RALYL: variants seen among roughly 807,000 people sequenced by gnomAD.
The protein encoded by RALYL is RALY RNA binding protein like, also known as RNA-binding Raly-like protein.
In RALYL, 29 loss-of-function variants were observed where a neutral mutation model predicts 35.1. The ratio of observed to expected loss-of-function variants is 0.83; its 90% confidence interval spans 0.61 to 1.13. The LOEUF is 1.13. Ranked by LOEUF, RALYL falls within the 50% of genes most tolerant of loss-of-function variation. The pLI, the probability that RALYL is intolerant of heterozygous loss-of-function variation, is 0.00. For synonymous variants in RALYL, 120 were observed against 127.6 expected, an observed-to-expected ratio of 0.94 and a Z score of 0.40; for missense variants, 359 against 360.4, an observed-to-expected ratio of 1.00 and a Z score of 0.03.
At chr8:84,654,270 C>CAAAT (rs1829460753) in intron 2 of RALYL, among the ~76,000 whole-genome samples, 1 of 44,478 alleles carries the variant, frequency 2.2e-5, no homozygotes, top group East Asian at 1.5e-3. Flanking sequence ...TCTCATGTTC[C>CAAAT]ATATATATAT....
intron 1 of RALYL, among the ~76,000 whole-genome samples, chr8:84,447,618 A>G (rs2048990699): frequency 6.6e-6 from 1 of 152,048 alleles, no homozygotes; most frequent in South Asian, 2.1e-4. Flanking sequence ...TCCTTCATTT[A>G]CATCAAAAAT....
chr8:84,185,691 A>G (rs896627763), intron 1 of RALYL, among the ~76,000 whole-genome samples: 1 of 152,198 alleles, frequency 6.6e-6, no homozygotes, highest in African/African-American at 2.4e-5. Flanking sequence ...TACCATGTGT[A>G]TATACTTTGA....
chr8:84,267,704 AAACT>A (rs904398048), intron 1 of RALYL, among the ~76,000 whole-genome samples: 2 of 152,218 alleles, frequency 1.3e-5, no homozygotes, highest in African/African-American at 4.8e-5. Flanking sequence ...CCAAAAAAAC[AAACT>A]GTTTATTAGT....
chr8:84,514,258 A>G (rs555839928), intron 1 of RALYL, among the ~76,000 whole-genome samples: 1 of 152,296 alleles, frequency 6.6e-6, no homozygotes, highest in East Asian at 1.9e-4. Flanking sequence ...ATCTGTTGTC[A>G]TTGAAGAGTC....
At chr8:84,539,876 A>ATG (rs1306917275) in intron 2 of RALYL, among the ~76,000 whole-genome samples, 6 of 19,048 alleles carry the variant, frequency 3.1e-4, no homozygotes, top group African/African-American at 6.4e-4. Flanking sequence ...ATATATATAT[A>ATG]TGTATATATA....
intron 6 of RALYL, among the ~76,000 whole-genome samples, chr8:84,865,823 T>A (rs1310407023): frequency 6.6e-6 from 1 of 152,302 alleles, no homozygotes; most frequent in East Asian, 1.9e-4. Context: ...GACCTGTCAA[T>A]GCACTTTCAG....
chr8:84,684,529 A>G (rs1289115805), intron 2 of RALYL, among the ~76,000 whole-genome samples: 1 of 152,204 alleles, frequency 6.6e-6, no homozygotes, highest in Non-Finnish European at 1.5e-5. Flanking sequence ...AGATGAAGAG[A>G]AATGACATCC....
chr8:84,798,927 G>T (rs747099237), intron 3 of RALYL, among the ~76,000 whole-genome samples: 2 of 152,170 alleles, frequency 1.3e-5, no homozygotes, highest in Admixed American at 1.3e-4. Flanking sequence ...GCTGGAGCGT[G>T]GAGTCTGTAG....
chr8:84,701,826 C>T (rs766475721), intron 2 of RALYL, among the ~76,000 whole-genome samples: 6 of 152,168 alleles, frequency 3.9e-5, no homozygotes, highest in Non-Finnish European at 8.8e-5. Context: ...TTTAGCACAA[C>T]TAGTTGTTGT....
intron 8 of RALYL, among the ~76,000 whole-genome samples, chr8:84,892,920 T>C (rs995725322): frequency 6.6e-6 from 1 of 152,212 alleles, no homozygotes; most frequent in Admixed American, 6.5e-5. Flanking sequence ...ACATACACTA[T>C]GAAACCACTA....
chr8:84,309,843 AG>A (rs1842438615), intron 1 of RALYL, among the ~76,000 whole-genome samples: 1 of 152,098 alleles, frequency 6.6e-6, no homozygotes, highest in Non-Finnish European at 1.5e-5. Flanking sequence ...TCTGGAGTGC[AG>A]TGGCGCCATC....
chr8:84,343,805 G>A (rs1849309889), intron 1 of RALYL, among the ~76,000 whole-genome samples: 1 of 151,094 alleles, frequency 6.6e-6, no homozygotes, highest in Admixed American at 6.6e-5. Flanking sequence ...AATTTTTGTT[G>A]TTTTTGTAAA....
At chr8:84,808,623 T>C (rs998268784) in intron 4 of RALYL, among the ~76,000 whole-genome samples, 1 of 152,230 alleles carries the variant, frequency 6.6e-6, no homozygotes, top group Admixed American at 6.5e-5. Context: ...ATATTGATTC[T>C]ACCCATCCAT....
chr8:84,463,010 C>A (rs1587489350), intron 1 of RALYL, among the ~76,000 whole-genome samples: 1 of 151,900 alleles, frequency 6.6e-6, no homozygotes, highest in Admixed American at 6.6e-5. Context: ...TATACTGAAG[C>A]TAAAAGTACT....
chr8:84,671,302 G>T (rs905433115), intron 2 of RALYL, among the ~76,000 whole-genome samples: 1 of 152,190 alleles, frequency 6.6e-6, no homozygotes, highest in African/African-American at 2.4e-5. Flanking sequence ...TTGAGTGTCT[G>T]TGTCTTTTCC....
rs58544006 is a variant in RALYL, at chr8:84,371,230, T to C, written c.-23-158069T>C. 9.0e-3 allele frequency among the ~76,000 whole-genome samples: 1,366 copies of C among 152,128 alleles called. 32 individuals carry two copies. Among genetic ancestry groups the C allele is most frequent in the African/African-American group, 0.031 (1,280 of 41,518 alleles). On this transcript the variant is annotated intron_variant, in intron 1 of 8. Transcript: ENST00000521268. ...TATATTTAATATTATCTGAGGAAATTAATTTGTGATAACAGGCATTGCTAT... is the reference window on the plus strand; with the variant it reads ...TATATTTAATATTATCTGAGGAAATCAATTTGTGATAACAGGCATTGCTAT...
intron 1 of RALYL, among the ~76,000 whole-genome samples, chr8:84,248,416 G>A (rs976637210): frequency 3.3e-5 from 5 of 152,080 alleles, no homozygotes; most frequent in African/African-American, 9.7e-5. Context: ...CACTTGATGT[G>A]TCCCTCTTAG....
intron 1 of RALYL, among the ~76,000 whole-genome samples, chr8:84,491,077 C>T (rs1587737454): frequency 6.6e-6 from 1 of 151,586 alleles, no homozygotes; most frequent in Non-Finnish European, 1.5e-5. Context: ...GTATTGTTTC[C>T]TCTGTCTATA....
In RALYL at chr8:84,183,387, T is replaced by G. The variant is rs753106572; in HGVS notation, c.-1061T>G. Reference sequence around the variant, plus strand: ...GCCGCCGCCGCCTCGCCAGCCAGAGTTGGGCTCCGTGGGCTTCCCCCCTCG... The same window carrying G: ...GCCGCCGCCGCCTCGCCAGCCAGAGGTGGGCTCCGTGGGCTTCCCCCCTCG... On this transcript the variant is annotated 5_prime_UTR_variant, in exon 1 of 9. Coordinates refer to ENST00000521268, the MANE Select transcript of RALYL (RefSeq NM_173848.7). 1.3e-5 allele frequency: 2 copies of G among 153,942 alleles called. No homozygotes were observed. Among genetic ancestry groups the G allele is most frequent in the Admixed American group, 6.5e-5 (1 of 15,302 alleles). 9.5% of individuals were successfully genotyped at this position (153,942 alleles called of 1,614,324 possible). A position where few individuals can be genotyped will look rare whatever the true frequency, so the allele number is the denominator to read the frequency against.
Sources: allele counts gnomAD v4.1 joint callset (sites outside exome capture counted in the v4.1 genomes callset), GRCh38; gene constraint gnomAD v4.1.1; transcripts MANE v1.5; gene names NCBI Gene and HGNC (gene_info 2026-07-23, HGNC 2026-07-21).